The following WHRN variants were observed in gnomAD, a reference collection of about 807,000 sequenced individuals.
WHRN encodes the protein whirlin, also known as CASK-interacting protein CIP98.
In WHRN, 41 loss-of-function variants were observed where a neutral mutation model predicts 68.3. The observed-to-expected ratio is 0.60, with a 90% confidence interval of 0.47 to 0.78. WHRN has a LOEUF of 0.78. WHRN is among the 30% of genes least tolerant of loss of function. The pLI, the probability that WHRN is intolerant of heterozygous loss-of-function variation, is 0.00. For synonymous variants in WHRN, 560 were observed against 561.3 expected, an observed-to-expected ratio of 1.00 and a Z score of 0.03; for missense variants, 1,243 against 1,244.7, an observed-to-expected ratio of 1.00 and a Z score of 0.02.
At position 114,421,839 on chromosome 9, in the gene WHRN, G is replaced by T. The variant is rs909131410; in HGVS notation, c.1626+1475C>A. Among the ~76,000 whole-genome samples the T allele has an allele frequency of 2.0e-5, 3 of 152,270 alleles. No individual in the cohort carries two copies. In the East Asian group the frequency reaches 5.8e-4, roughly 29 times the overall value. On this transcript the variant is annotated intron_variant, in intron 7 of 11. Coordinates refer to ENST00000362057, the MANE Select transcript of WHRN (RefSeq NM_015404.4). ...AGAACATGGAACTGCCTCTGCTGCAGCCATGTCCAGCCCTAGAGGAATGCA... is the reference window on the plus strand; with the variant it reads ...AGAACATGGAACTGCCTCTGCTGCATCCATGTCCAGCCCTAGAGGAATGCA...
rs1844220917 is a variant in WHRN, at chr9:114,504,473, G to A, written c.329C>T (p.Thr110Met). 1.2e-6 allele frequency: 2 copies of A among 1,608,178 alleles called. No homozygotes were observed. Among genetic ancestry groups the A allele is most frequent in the Admixed American group, 1.7e-5 (1 of 59,990 alleles). The change falls in exon 1 of 12, where the codon ACG (threonine) becomes ATG (methionine). Residue 110 changes from threonine to methionine, a missense_variant. Physicochemically the swap from Thr to Met is moderately conservative, Grantham distance 81. Coordinates refer to ENST00000362057, the MANE Select transcript of WHRN (RefSeq NM_015404.4). ...GGCGGGCAGGTAGAGGCCCTCGGCC[G>A]TGTATTGGTCGAAGAGCAGCTGGTC... Reference protein sequence around the residue: ...RSDQLLFDQYTAEGLYLPATT... With the variant: ...RSDQLLFDQYMAEGLYLPATT...
chr9:114,423,256 G>C, intron 7 of WHRN, 58 bp downstream of exon 7: 1 of 1,574,766 alleles, frequency 6.4e-7, no homozygotes, highest in Non-Finnish European at 8.7e-7. Flanking sequence ...TCACTCCAAA[G>C]CCAGCATCTT....
intron 2 of WHRN, among the ~76,000 whole-genome samples, chr9:114,477,977 C>G (rs765890057): frequency 5.3e-5 from 8 of 152,072 alleles, no homozygotes; most frequent in Non-Finnish European, 8.8e-5. Flanking sequence ...TGATGTGGCC[C>G]AGCTTCAACC....
intron 2 of WHRN, among the ~76,000 whole-genome samples, chr9:114,469,468 G>A (rs910732724): frequency 6.6e-6 from 1 of 152,314 alleles, no homozygotes; most frequent in South Asian, 2.1e-4. Flanking sequence ...TCAGGGCAGC[G>A]AGTCTCTCCT....
At chr9:114,493,921 C>T (rs754583886) in intron 1 of WHRN, among the ~76,000 whole-genome samples, 7 of 152,242 alleles carry the variant, frequency 4.6e-5, no homozygotes, top group Non-Finnish European at 1.0e-4. Flanking sequence ...GCCAGCACCA[C>T]GCTGGGCTGT....
chr9:114,409,729 G>T (rs577111725), intron 7 of WHRN, among the ~76,000 whole-genome samples: 2 of 151,558 alleles, frequency 1.3e-5, no homozygotes, highest in Non-Finnish European at 2.9e-5. Context: ...CATCCACAAG[G>T]CATGCTGTCG....
intron 1 of WHRN, among the ~76,000 whole-genome samples, chr9:114,487,423 C>T (rs562582937): frequency 6.6e-6 from 1 of 151,964 alleles, no homozygotes; most frequent in South Asian, 2.1e-4. Flanking sequence ...ATCTTTTTTT[C>T]CACTAAAAAT....
At chr9:114,422,585 G>A (rs1047420125) in intron 7 of WHRN, among the ~76,000 whole-genome samples, 3 of 152,214 alleles carry the variant, frequency 2.0e-5, no homozygotes, top group Non-Finnish European at 4.4e-5. Context: ...TGTAATCCCA[G>A]CACTTTGGGA....
chr9:114,447,551 C>T (rs935085558), intron 3 of WHRN, among the ~76,000 whole-genome samples: 2 of 152,154 alleles, frequency 1.3e-5, no homozygotes, highest in African/African-American at 4.8e-5. Context: ...GCTATTTCCT[C>T]CTCCCTCTTC....
chr9:114,442,073 G>C (rs1362610572), intron 3 of WHRN, among the ~76,000 whole-genome samples: 1 of 152,090 alleles, frequency 6.6e-6, no homozygotes. Context: ...CCCAAATAGA[G>C]AAACATTCTA....
chr9:114,436,637 T>C (rs374741989), intron 3 of WHRN, among the ~76,000 whole-genome samples: 1 of 152,278 alleles, frequency 6.6e-6, no homozygotes. Context: ...GAGACCAGCC[T>C]GGCCAACATG....
In WHRN at chr9:114,415,273, TAAA is replaced by T. The variant is rs5900085; in HGVS notation, c.1627-7258_1627-7256del. Among the ~76,000 whole-genome samples the T allele has an allele frequency of 8.2e-3, 1,192 of 145,356 alleles. 14 individuals carry two copies. Among genetic ancestry groups the T allele is most frequent in the African/African-American group, 0.029 (1,129 of 39,322 alleles). On this transcript the variant is annotated intron_variant, in intron 7 of 11. Transcript: ENST00000362057. ...CTACCCCAACAGAGACCCTATCTCT[TAAA>T]AAAAAAAAAAACACAAACAGGATCA...
At position 114,424,339 on chromosome 9, in the gene WHRN, C is replaced by T. The variant is rs1589107090; in HGVS notation, c.1411G>A (p.Ala471Thr). ...MALFKLLNTH[A>T]KFSLLSEVRG... The stretch of plus-strand genomic sequence containing the variant: ...GGAGGCAGGGCACGGGTCACCTTGG[C>T]GTGGGTGTTGAGCAGCTTGAACAGG... Residue 471 changes from alanine to threonine, a missense_variant, in exon 6 of 12, where the codon GCC becomes ACC. Physicochemically the swap from Ala to Thr is moderately conservative, Grantham distance 58. Coordinates refer to ENST00000362057, the MANE Select transcript of WHRN (RefSeq NM_015404.4). The T allele has an allele frequency of 6.2e-7, 1 of 1,612,170 alleles. No individual in the cohort carries two copies. The highest frequency in any genetic ancestry group is 8.5e-7 in the Non-Finnish European group (1 of 1,179,982).
rs552507259 is a variant in WHRN, at chr9:114,414,325, G to A, written c.1627-6307C>T. ...CCTAAAGTAGCATGTTTTACGTTGTGTTTTCATATTCTGAAAATTATATCA... is the reference window on the plus strand; with the variant it reads ...CCTAAAGTAGCATGTTTTACGTTGTATTTTCATATTCTGAAAATTATATCA... On this transcript the variant is annotated intron_variant, in intron 7 of 11. Coordinates refer to ENST00000362057, the MANE Select transcript of WHRN (RefSeq NM_015404.4). Among the ~76,000 whole-genome samples the A allele has an allele frequency of 1.1e-3, 172 of 152,252 alleles. 4 individuals are homozygous for A. Among genetic ancestry groups the A allele is most frequent in the Admixed American group, 0.01 (153 of 15,294 alleles).
At chr9:114,497,186 G>A (rs1348312461) in intron 1 of WHRN, among the ~76,000 whole-genome samples, 1 of 152,114 alleles carries the variant, frequency 6.6e-6, no homozygotes, top group Non-Finnish European at 1.5e-5. Flanking sequence ...GGACATTTGG[G>A]GACCTGTTTA....
At chr9:114,449,368 G>A (rs939391493) in intron 3 of WHRN, among the ~76,000 whole-genome samples, 5 of 152,240 alleles carry the variant, frequency 3.3e-5, no homozygotes, top group African/African-American at 1.2e-4. Flanking sequence ...ATGGTTCACA[G>A]GGACCCTGAG....
chr9:114,458,414 C>T (rs565038088), intron 3 of WHRN, among the ~76,000 whole-genome samples: 8 of 152,232 alleles, frequency 5.3e-5, no homozygotes, highest in African/African-American at 1.9e-4. Flanking sequence ...TGTATTTTTG[C>T]GGGCTTCATA....
In WHRN at chr9:114,504,409, GT is replaced by G. The variant is rs754814170; in HGVS notation, c.392del (p.Asp131AlafsTer11). The G allele has an allele frequency of 6.2e-7, 1 of 1,605,498 alleles. No homozygotes were observed. The highest frequency in any genetic ancestry group is 8.5e-7 in the Non-Finnish European group (1 of 1,179,162). ...GGCGCACCTCCCCTGGCCCCGCGCT[GT>G]CGGGGCCGCCCCAGGCGGGCTGCCT... ...PYRQPAWGGP[D>X]SAGPGEVRLV... On this transcript the variant is annotated frameshift_variant, in exon 1 of 12. Transcript: ENST00000362057. LOFTEE classifies it high-confidence loss of function.
chr9:114,463,658 G>C (rs536264244), intron 3 of WHRN, among the ~76,000 whole-genome samples: 1 of 151,974 alleles, frequency 6.6e-6, no homozygotes, highest in Non-Finnish European at 1.5e-5. Context: ...AGGAACTCTC[G>C]GCAACTTTTC....
Sources: gnomAD v4.1 joint callset for allele counts (sites outside exome capture counted in the v4.1 genomes callset) on GRCh38, gnomAD v4.1.1 for gene constraint, MANE v1.5 for transcripts, NCBI Gene and HGNC (gene_info 2026-07-23, HGNC 2026-07-21) for gene names.